The following STEAP4 variants were observed in gnomAD, a reference collection of about 807,000 sequenced individuals.
STEAP4 encodes STEAP4 metalloreductase.
In STEAP4, 36 loss-of-function variants were observed where a neutral mutation model predicts 43.6. The observed-to-expected ratio is 0.83, with a 90% CI of 0.63 to 1.09. The LOEUF is 1.09. Ranked by LOEUF, STEAP4 falls within the 50% of genes least tolerant of loss-of-function variation. The pLI, the probability that STEAP4 is intolerant of heterozygous loss-of-function variation, is 0.00. For missense variants in STEAP4, 495 were observed against 546.5 expected, an observed-to-expected ratio of 0.91 and a Z score of 0.94; for synonymous variants, 191 against 196.7, an observed-to-expected ratio of 0.97 and a Z score of 0.24.
chr7:88,279,761 G>A, intron 4 of STEAP4, 133 bp from the exon 5 acceptor site: 1 of 715,908 alleles, frequency 1.4e-6, no homozygotes, highest in Admixed American at 2.9e-5. Context: ...ACTTTGCCAA[G>A]TACTGAAAAA....
chr7:88,279,661 C>A, intron 4 of STEAP4, 33 bp from the exon 5 acceptor site: 1 of 1,505,530 alleles, frequency 6.6e-7, no homozygotes, highest in East Asian at 2.4e-5. Flanking sequence ...TGTAAGTTAA[C>A]ATTATTTACA....
Position 88,283,912 on chromosome 7 carries a change from A to G in STEAP4, c.358T>C (p.Tyr120His), listed in dbSNP as rs1203370062. The G allele has an allele frequency of 1.2e-6, 2 of 1,613,962 alleles. No homozygotes were observed. Among genetic ancestry groups the G allele is most frequent in the Non-Finnish European group, 1.7e-6 (2 of 1,180,006 alleles). The change falls in exon 2 of 5, where the codon TAC (tyrosine) becomes CAC (histidine). Residue 120 changes from tyrosine to histidine, a missense_variant. Transcript: ENST00000380079. ...GCTCCTGGCACCAAATGAGCAAGGT[A>G]CTCTGCATTAGATTCTGGATATTGA... ...INQYPESNAE[Y>H]LAHLVPGAHV...
intron 1 of STEAP4, among the ~76,000 whole-genome samples, chr7:88,299,904 G>A (rs1310097747): frequency 1.3e-5 from 2 of 152,008 alleles, no homozygotes; most frequent in Admixed American, 1.3e-4. Context: ...AAATCTCTGG[G>A]GGCAGTCCAC....
chr7:88,306,251 A>G (rs942172771), intron 1 of STEAP4, among the ~76,000 whole-genome samples: 2 of 152,142 alleles, frequency 1.3e-5, no homozygotes, highest in African/African-American at 2.4e-5. Flanking sequence ...GTCTCTGGAC[A>G]AACAAACGGA....
At chr7:88,288,403 C>T (rs1422731750) in intron 1 of STEAP4, among the ~76,000 whole-genome samples, 2 of 152,188 alleles carry the variant, frequency 1.3e-5, no homozygotes, top group African/African-American at 4.8e-5. Flanking sequence ...CTCCTGATGT[C>T]AGGTGATCCG....
chr7:88,296,221 G>A (rs183329481), intron 1 of STEAP4, among the ~76,000 whole-genome samples: 47 of 152,222 alleles, frequency 3.1e-4, no homozygotes, highest in African/African-American at 1.0e-3. Context: ...TAATCAGTTG[G>A]GTGAAGCCAT....
rs1325771647 is a variant in STEAP4 at position 88,277,306 on chromosome 7, T to C, written c.*2092A>G. 6.6e-6 allele frequency: 1 copy of C among 152,180 alleles called. No homozygotes were observed. Among genetic ancestry groups the C allele is most frequent in the African/African-American group, 2.4e-5 (1 of 41,446 alleles). 9.4% of individuals were successfully genotyped at this position (152,180 alleles called of 1,614,324 possible). Reference sequence around the variant, plus strand: ...AAAGATAAGTTGAAGGAGCGTGTGTTCTGTGTACCTTTGCAACCAGTTATA... The same window carrying C: ...AAAGATAAGTTGAAGGAGCGTGTGTCCTGTGTACCTTTGCAACCAGTTATA... On this transcript the variant is annotated 3_prime_UTR_variant, in exon 5 of 5. Transcript: ENST00000380079.
chr7:88,283,160 C>T lies in STEAP4; in HGVS notation c.465G>A (p.Val155=), dbSNP rs745343584. 3 of 1,541,640 alleles carry T rather than the reference C, an allele frequency of 1.9e-6. No individual in the cohort carries two copies. The highest frequency in any genetic ancestry group is 1.4e-5 in the African/African-American group (1 of 72,200). Residue 155 remains valine, a synonymous_variant, in exon 3 of 5, where the codon GTG becomes GTA. Transcript: ENST00000380079. The part of the protein sequence containing the change: ...GALDASRQVF[V]CGNDSKAKQR... ...GCTTGGCTTTGCTGTCATTTCCACA[C>T]ACAAACACCTAGTTTAAAAACAGTT...
rs1217294867 is a variant in STEAP4 at position 88,274,573 on chromosome 7, C to A, written c.*4825G>T. 6.6e-6 allele frequency: 1 copy of A among 152,120 alleles called. No homozygotes were observed. The highest frequency in any genetic ancestry group is 1.5e-5 in the Non-Finnish European group (1 of 68,058). 9.4% of individuals were successfully genotyped at this position (152,120 alleles called of 1,614,324 possible). ...CAAGAGAGAGTTCTTGGATCTTGCA[C>A]AAGAAAGAATTTGAGGTGAATCCAT... On this transcript the variant is annotated 3_prime_UTR_variant, in exon 5 of 5. Coordinates refer to ENST00000380079, the MANE Select transcript of STEAP4 (RefSeq NM_024636.4).
In STEAP4 at chr7:88,282,846, A is replaced by T; in HGVS notation, c.779T>A (p.Leu260His). The T allele has an allele frequency of 6.2e-7, 1 of 1,614,218 alleles. No individual in the cohort carries two copies. The highest frequency in any genetic ancestry group is 8.5e-7 in the Non-Finnish European group (1 of 1,180,040). ...TAGAATGGCAGCAATAACACCAGGG[A>T]GGTAAACCAAAGCAAGCAGTGTAAG... ...TALTLLALVY[L>H]PGVIAAILQL... The change falls in exon 3 of 5, where the codon CTC becomes CAC. Residue 260 changes from leucine (L) to histidine (H), a missense_variant. Transcript: ENST00000380079.
chr7:88,286,762 TAAAC>T (rs1852741669), intron 1 of STEAP4, among the ~76,000 whole-genome samples: 1 of 103,162 alleles, frequency 9.7e-6, no homozygotes, highest in African/African-American at 3.5e-5. Context: ...TCCATACATA[TAAAC>T]ACACACACAC....
rs1374172911 is a variant in STEAP4, at chr7:88,271,272, GA to G, written c.*8125del. 6.6e-6 allele frequency: 1 copy of G among 152,104 alleles called. No homozygotes were observed. Among genetic ancestry groups the G allele is most frequent in the Non-Finnish European group, 1.5e-5 (1 of 68,026 alleles). 9.4% of individuals were successfully genotyped at this position (152,104 alleles called of 1,614,324 possible). A position where few individuals can be genotyped will look rare whatever the true frequency, so the allele number is the denominator to read the frequency against. On this transcript the variant is annotated 3_prime_UTR_variant, in exon 5 of 5. Coordinates refer to ENST00000380079, the MANE Select transcript of STEAP4 (RefSeq NM_024636.4). ...TGTAATTTAAAAACCAAAATGATAT[GA>G]AAAGGTCTACAGTGCTTCTACTCCT...
At chr7:88,304,197 A>T (rs1563506286) in intron 1 of STEAP4, 1 of 151,952 alleles carries the variant, frequency 6.6e-6, no homozygotes, top group South Asian at 2.1e-4. Flanking sequence ...GGATGGGGGG[A>T]GTGGGGAGGG....
chr7:88,282,597 C>A, intron 3 of STEAP4, 44 bp downstream of exon 3: 1 of 1,536,698 alleles, frequency 6.5e-7, no homozygotes. Flanking sequence ...TAGCAATAGT[C>A]TCTGATTTCA....
At chr7:88,297,452 G>A (rs1281109711) in intron 1 of STEAP4, among the ~76,000 whole-genome samples, 2 of 152,122 alleles carry the variant, frequency 1.3e-5, no homozygotes, top group East Asian at 3.8e-4. Context: ...TCTCTCCAAG[G>A]AGGTGCCAGT....
chr7:88,305,073 C>A (rs900449950), intron 1 of STEAP4, among the ~76,000 whole-genome samples: 1 of 152,042 alleles, frequency 6.6e-6, no homozygotes, highest in Non-Finnish European at 1.5e-5. Flanking sequence ...CAACAGTTAG[C>A]GAGCTTTAGT....
intron 1 of STEAP4, among the ~76,000 whole-genome samples, chr7:88,294,783 C>T (rs1852898647): frequency 6.6e-6 from 1 of 151,958 alleles, no homozygotes; most frequent in Non-Finnish European, 1.5e-5. Context: ...GCATATAATG[C>T]CATTTGTAGA....
At chr7:88,280,828 A>G (rs1424790462) in intron 4 of STEAP4, 87 bp downstream of exon 4, 3 of 1,367,698 alleles carry the variant, frequency 2.2e-6, no homozygotes, top group Admixed American at 2.6e-5. Context: ...CCTGGGTTCA[A>G]CATTTTCTAA....
intron 4 of STEAP4, 140 bp downstream of exon 4, chr7:88,280,775 C>T (rs781084169): frequency 8.9e-5 from 73 of 824,726 alleles, no homozygotes; most frequent in Non-Finnish European, 1.0e-4. Flanking sequence ...GGAATCTTGG[C>T]GAGTATTAAG....
Sources: allele counts gnomAD v4.1 joint callset (sites outside exome capture counted in the v4.1 genomes callset), GRCh38; gene constraint gnomAD v4.1.1; transcripts MANE v1.5; gene names NCBI Gene and HGNC (gene_info 2026-07-23, HGNC 2026-07-21).